Variants in ANKRD35 observed in about 807,000 individuals in gnomAD.
ANKRD35 encodes ankyrin repeat domain-containing protein 35.
A neutral mutation model predicts 109.9 loss-of-function variants in ANKRD35; 102 were observed. That is an observed-to-expected ratio of 0.93 (90% confidence interval 0.79 to 1.09). The LOEUF (loss-of-function observed/expected upper bound fraction) is 1.09, where lower values mean the gene tolerates loss of function less well. ANKRD35 is among the 50% of genes least tolerant of loss of function. The pLI is 0.00. For missense variants in ANKRD35, 1,240 were observed against 1,230.1 expected (o/e 1.01, Z -0.12); for synonymous variants, 515 against 512.4 (o/e 1.01, Z -0.07).
Position 145,873,195 on chromosome 1 carries a change from G to T in ANKRD35, c.1574C>A (p.Pro525His). ...RPVMEGALGT[P>H]RAEAAAAAWE... ...GGCAGCTGCTGCTGCCTCAGCACGGGGAGTCCCCAGGGCTCCCTCCATGAC... is the reference window on the plus strand; with the variant it reads ...GGCAGCTGCTGCTGCCTCAGCACGGTGAGTCCCCAGGGCTCCCTCCATGAC... Residue 525 changes from proline to histidine, a missense_variant, in exon 10 of 14, where the codon CCC (proline) becomes CAC (histidine). By Grantham distance (77) the Pro-to-His change is moderately conservative. Transcript: ENST00000355594. The T allele has an allele frequency of 6.2e-7, 1 of 1,614,134 alleles. No individual in the cohort carries two copies. Among genetic ancestry groups the T allele is most frequent in the South Asian group, 1.1e-5 (1 of 91,082 alleles).
Position 145,878,520 on chromosome 1 carries a change from C to G in ANKRD35, c.171-41G>C. Reference sequence around the variant, plus strand: ...CCGAGAGGCCAAAGGATAAAGGGACCAGGGATGAGGAATGGGAGAATCTTG... The same window carrying G: ...CCGAGAGGCCAAAGGATAAAGGGACGAGGGATGAGGAATGGGAGAATCTTG... On this transcript the variant is annotated intron_variant, in intron 2 of 13. Coordinates refer to ENST00000355594, the MANE Select transcript of ANKRD35 (RefSeq NM_144698.5). 3 of 1,529,452 alleles carry G rather than the reference C, an allele frequency of 2.0e-6. No individual in the cohort carries two copies. The South Asian group carries it at 3.6e-5, about 18-fold the overall frequency. The allele number at this position is 1,529,452 out of a possible 1,614,324, so 94.7% of individuals were successfully genotyped here.
chr1:145,880,949 A>T (rs1424674794), intron 1 of ANKRD35, among the ~76,000 whole-genome samples: 1 of 152,210 alleles, frequency 6.6e-6, no homozygotes, highest in Non-Finnish European at 1.5e-5. Flanking sequence ...AAGATTAGAT[A>T]ACCATTCAAG....
chr1:145,876,289 G>T, intron 6 of ANKRD35, 43 bp from the exon 7 acceptor site: 1 of 1,564,998 alleles, frequency 6.4e-7, no homozygotes, highest in Non-Finnish European at 8.8e-7. Context: ...GCCAGGGACT[G>T]CAGAGGCTTG....
chr1:145,876,916 A>G (rs2101712330), intron 4 of ANKRD35, 43 bp from the exon 5 acceptor site: 1 of 1,607,714 alleles, frequency 6.2e-7, no homozygotes, highest in Non-Finnish European at 8.5e-7. Flanking sequence ...GCTTGGTGTT[A>G]ACATCCTCAT....
At chr1:145,877,079 C>G (rs1654109024) in intron 4 of ANKRD35, among the ~76,000 whole-genome samples, 1 of 152,024 alleles carries the variant, frequency 6.6e-6, no homozygotes, top group Non-Finnish European at 1.5e-5. Context: ...AACCAAGGGG[C>G]TAAGAAAAAT....
intron 1 of ANKRD35, among the ~76,000 whole-genome samples, chr1:145,879,985 T>C (rs957206599): frequency 6.6e-5 from 10 of 152,180 alleles, no homozygotes; most frequent in Admixed American, 5.2e-4. Context: ...GTTTCTGTTT[T>C]CCCATATCAT....
Position 145,872,164 on chromosome 1 carries a change from G to A in ANKRD35, c.2605C>T (p.Arg869Trp), listed in dbSNP as rs781799334. 2 of 1,609,048 alleles carry A rather than the reference G, an allele frequency of 1.2e-6. No individual in the cohort carries two copies. The highest frequency in any genetic ancestry group is 2.7e-5 in the African/African-American group (2 of 74,640). ...TCCTCGGCCACCGCCTCCCGCAGCC[G>A]ACCCACTTCCCGGCAGGCCGTATTA... ...KYNTACREVG[R>W]LREAVAEERR... is the part of the protein sequence containing the mutation. The change falls in exon 10 of 14, where the codon CGG becomes TGG. Residue 869 changes from arginine to tryptophan, a missense_variant. By Grantham distance (101) the Arg-to-Trp change is moderately radical. Transcript: ENST00000355594.
rs1553738082 is a variant in ANKRD35 at position 145,868,447 on chromosome 1, C to T, written c.2788-47G>A. 5 of 1,554,354 alleles carry T rather than the reference C, an allele frequency of 3.2e-6. No homozygotes were observed. In the Admixed American group the frequency reaches 6.7e-5, roughly 21 times the overall value. On this transcript the variant is annotated intron_variant, in intron 10 of 13. Transcript: ENST00000355594. ...CAACCAATGAGGCTCCAAGTCATTT[C>T]TCCCACAAGGGTCAAGGTCAGCTTC...
chr1:145,867,365 T>C lies in ANKRD35; in HGVS notation c.2971A>G (p.Ile991Val). 1 of 1,613,956 alleles carries C rather than the reference T, an allele frequency of 6.2e-7. No homozygotes were observed. Residue 991 changes from isoleucine (I) to valine (V), a missense_variant, in exon 13 of 14, where the codon ATC (isoleucine) becomes GTC (valine). By Grantham distance (29) the Ile-to-Val change is conservative (BLOSUM62 3). Transcript: ENST00000355594. ...TCCATGCTAAGGATTTGCAGCAGGATATTGTACACTTCATGTTCCATGTAA... is the reference window on the plus strand; with the variant it reads ...TCCATGCTAAGGATTTGCAGCAGGACATTGTACACTTCATGTTCCATGTAA... ...RGYMEHEVYNILLQILSMEEE is the reference protein window; with the variant it reads ...RGYMEHEVYNVLLQILSMEEE
intron 1 of ANKRD35, among the ~76,000 whole-genome samples, chr1:145,881,217 G>A (rs1485771949): frequency 6.6e-6 from 1 of 152,152 alleles, no homozygotes; most frequent in Non-Finnish European, 1.5e-5. Context: ...CCTGGGAAGT[G>A]GAGGTTGCAG....
intron 10 of ANKRD35, among the ~76,000 whole-genome samples, 182 bp downstream of exon 10, chr1:145,871,800 T>A (rs1653831513): frequency 6.6e-6 from 1 of 152,086 alleles, no homozygotes; most frequent in Admixed American, 6.5e-5. Context: ...TCACCTCCAA[T>A]CTCACCAACC....
chr1:145,866,974 C>T (rs1653629121), intron 13 of ANKRD35, among the ~76,000 whole-genome samples: 1 of 152,102 alleles, frequency 6.6e-6, no homozygotes, highest in East Asian at 1.9e-4. Flanking sequence ...GAGTCCTGCC[C>T]TAAGGAACAA....
At position 145,885,770 on chromosome 1, in the gene ANKRD35, G is replaced by A. The variant is rs782552092; in HGVS notation, c.-12C>T. On this transcript the variant is annotated 5_prime_UTR_variant, in exon 1 of 14. Coordinates refer to ENST00000355594, the MANE Select transcript of ANKRD35 (RefSeq NM_144698.5). ...AAGATACGCTTCATGGCCGGGGTCGGGGCCACGGGGGATGGGGACGCGCAG... is the reference window on the plus strand; with the variant it reads ...AAGATACGCTTCATGGCCGGGGTCGAGGCCACGGGGGATGGGGACGCGCAG... The A allele has an allele frequency of 6.2e-6, 10 of 1,610,468 alleles. No homozygotes were observed. The Admixed American group carries it at 1.3e-4, about 21-fold the overall frequency.
Position 145,876,837 on chromosome 1 carries a change from G to A in ANKRD35, c.361C>T (p.Arg121Cys), listed in dbSNP as rs201520134. 2.2e-4 allele frequency: 353 copies of A among 1,613,968 alleles called. No individual in the cohort carries two copies. The highest frequency in any genetic ancestry group is 2.7e-4 in the Non-Finnish European group (323 of 1,180,040). The change falls in exon 5 of 14, where the codon CGT (arginine) becomes TGT (cysteine). Residue 121 changes from arginine (R) to cysteine (C), a missense_variant. Coordinates refer to ENST00000355594, the MANE Select transcript of ANKRD35 (RefSeq NM_144698.5). Reference protein sequence around the residue: ...ANEDAVDAENRSPLHWAASSG... With the variant: ...ANEDAVDAENCSPLHWAASSG... The stretch of plus-strand genomic sequence containing the variant: ...ACACCTGCCCAGTGCAATGGACTAC[G>A]GTTTTCTGCATCCACAGCATCTTCA...
In ANKRD35 at chr1:145,873,496, GTTC is replaced by G. The variant is rs782656354; in HGVS notation, c.1270_1272del (p.Glu424del). 81 of 1,614,042 alleles carry G rather than the reference GTTC, an allele frequency of 5.0e-5. 1 individual carries two copies. In the South Asian group the frequency reaches 8.6e-4, roughly 17 times the overall value. ...GACGCTGGGCTCTGGGGTGGCCCCTGTTCTTCTGGTTGGGACCTTCCATGGACT... is the reference window on the plus strand; with the variant it reads ...GACGCTGGGCTCTGGGGTGGCCCCTGTTCTGGTTGGGACCTTCCATGGACT... On this transcript the variant is annotated inframe_deletion, in exon 10 of 14. Transcript: ENST00000355594.
intron 13 of ANKRD35, 45 bp downstream of exon 13, chr1:145,867,242 T>C (rs1553737854): frequency 2.2e-6 from 3 of 1,363,726 alleles, no homozygotes; most frequent in Non-Finnish European, 3.1e-6. Context: ...TCCCAAGCCC[T>C]TTCTCCCAAA....
chr1:145,873,552 T>A lies in ANKRD35; in HGVS notation c.1217A>T (p.Asp406Val). 1 of 1,614,070 alleles carries A rather than the reference T, an allele frequency of 6.2e-7. No homozygotes were observed. The highest frequency in any genetic ancestry group is 8.5e-7 in the Non-Finnish European group (1 of 1,180,016). ...ATACTGGATCTTTCCTGGGGCTGAG[T>A]CCTCAGCCTTCTTTGGAGCTAATAC... ...NPVLAPKKAE[D>V]SAPGKIQYEV... The change falls in exon 10 of 14, where the codon GAC (aspartate) becomes GTC (valine). Residue 406 changes from aspartate (D) to valine (V), a missense_variant. By Grantham distance (152) the Asp-to-Val change is radical (BLOSUM62 -3). Coordinates refer to ENST00000355594, the MANE Select transcript of ANKRD35 (RefSeq NM_144698.5).
chr1:145,872,589 T>C lies in ANKRD35; in HGVS notation c.2180A>G (p.Glu727Gly). The change falls in exon 10 of 14, where the codon GAG becomes GGG. Residue 727 changes from glutamate to glycine, a missense_variant. By Grantham distance (98) the Glu-to-Gly change is moderately conservative (BLOSUM62 -2). Coordinates refer to ENST00000355594, the MANE Select transcript of ANKRD35 (RefSeq NM_144698.5). ...SAQSKAAESL[E>G]ELRACISTLV... is the part of the protein sequence containing the mutation. ...GGTGCTGATGCAGGCCCGCAGCTCC[T>C]CCAGGGACTCCGCTGCTTTGCTTTG... The C allele has an allele frequency of 6.2e-7, 1 of 1,612,916 alleles. No homozygotes were observed. Among genetic ancestry groups the C allele is most frequent in the South Asian group, 1.1e-5 (1 of 90,928 alleles).
chr1:145,881,578 C>T (rs1417600005), intron 1 of ANKRD35, among the ~76,000 whole-genome samples: 7 of 152,210 alleles, frequency 4.6e-5, no homozygotes, highest in Non-Finnish European at 2.9e-5. Context: ...AGGTCACCCC[C>T]AGGAAAGCAG....
Sources: allele counts gnomAD v4.1 joint callset (sites outside exome capture counted in the v4.1 genomes callset), GRCh38; gene constraint gnomAD v4.1.1; transcripts MANE v1.5; gene names NCBI Gene and HGNC (gene_info 2026-07-23, HGNC 2026-07-21).